CAPN3: variants seen among roughly 807,000 people sequenced by gnomAD.
CAPN3 encodes the protein calpain-3.
In CAPN3, 88 loss-of-function variants were observed where a neutral mutation model predicts 114.0. That is an observed-to-expected ratio of 0.77 (90% CI 0.65 to 0.92). The LOEUF (loss-of-function observed/expected upper bound fraction) is 0.92, where lower values mean the gene tolerates loss of function less well. Ranked by LOEUF, CAPN3 falls within the 40% of genes least tolerant of loss-of-function variation. The probability of loss-of-function intolerance (pLI) is 0.00; values close to 1 mark genes in which losing one functional copy is unlikely to be tolerated. For missense variants in CAPN3, 1,028 were observed against 1,069.0 expected (o/e 0.96, Z 0.53); for synonymous variants, 386 against 382.9 (o/e 1.01, Z -0.09).
At chr15:42,373,255 C>T (rs183117371) in intron 1 of CAPN3, among the ~76,000 whole-genome samples, 1 of 152,268 alleles carries the variant, frequency 6.6e-6, no homozygotes, top group East Asian at 1.9e-4. Flanking sequence ...TAAGACTCTC[C>T]TGGTGAGCCT....
intron 1 of CAPN3, among the ~76,000 whole-genome samples, chr15:42,378,859 C>T (rs570946720): frequency 6.6e-6 from 1 of 152,150 alleles, no homozygotes; most frequent in East Asian, 1.9e-4. Flanking sequence ...TAGTTAAAAA[C>T]ATTTTGTAAG....
At chr15:42,369,404 A>G (rs2052874059) in intron 1 of CAPN3, among the ~76,000 whole-genome samples, 1 of 152,028 alleles carries the variant, frequency 6.6e-6, no homozygotes, top group Non-Finnish European at 1.5e-5. Context: ...TGGGAGGCTG[A>G]GGTGGGAGGA....
chr15:42,360,012 A>G lies in CAPN3; in HGVS notation c.207A>G (p.Leu69=). The change falls in exon 1 of 24, where the codon CTA becomes CTG. Residue 69 remains leucine, a synonymous_variant. Transcript: ENST00000397163. ...TCGAGCAACTTCACAAGAAATGTCT[A>G]GAAAAGAAAGTTCTTTATGTGGACC... ...KTFEQLHKKC[L]EKKVLYVDPE... 2 of 1,614,256 alleles carry G rather than the reference A, an allele frequency of 1.2e-6. No individual in the cohort carries two copies. Among genetic ancestry groups the G allele is most frequent in the Non-Finnish European group, 1.7e-6 (2 of 1,180,038 alleles).
chr15:42,395,878 C>T (rs1262069704), intron 8 of CAPN3, among the ~76,000 whole-genome samples: 1 of 152,220 alleles, frequency 6.6e-6, no homozygotes, highest in Non-Finnish European at 1.5e-5. Context: ...GTTGAATTCT[C>T]CTCTGTGAGC....
chr15:42,364,917 G>T (rs2052740249), intron 1 of CAPN3, among the ~76,000 whole-genome samples: 1 of 152,324 alleles, frequency 6.6e-6, no homozygotes. Context: ...GGAGGGATGA[G>T]AAGTGAAGGG....
chr15:42,385,794 C>G (rs201879162), intron 2 of CAPN3: 54 of 532,582 alleles, frequency 1.0e-4, no homozygotes, highest in Middle Eastern at 3.1e-4. Flanking sequence ...ACTCACATTG[C>G]AAAGGCACAG....
chr15:42,402,116 T>C lies in CAPN3; in HGVS notation c.1525-8T>C. 1 of 1,614,130 alleles carries C rather than the reference T, an allele frequency of 6.2e-7. No individual in the cohort carries two copies. The highest frequency in any genetic ancestry group is 8.5e-7 in the Non-Finnish European group (1 of 1,180,026). On this transcript the variant is annotated splice_region_variant and splice_polypyrimidine_tract_variant and intron_variant, in intron 11 of 23. Transcript: ENST00000397163. ...TCTGAAGCATCTTCCTTTCTGTTTC[T>C]TCTCAAGGTTCCCAAAGAGGTATAG...
At position 42,402,990 on chromosome 15, in the gene CAPN3, G is replaced by A. The variant is rs767580064; in HGVS notation, c.1733G>A (p.Arg578Lys). 1.2e-6 allele frequency: 2 copies of A among 1,614,082 alleles called. No individual in the cohort carries two copies. The highest frequency in any genetic ancestry group is 1.3e-5 in the African/African-American group (1 of 75,046). ...EFILRVFSEK[R>K]NLSEEVENTI... ...ATCCTCCGGGTCTTCTCTGAAAAGA[G>A]GAACCTCTCTGAGTGAGTGCTGGCC... The change falls in exon 13 of 24, where the codon AGG (arginine) becomes AAG (lysine). Residue 578 changes from arginine (R) to lysine (K), a missense_variant. Physicochemically the swap from Arg to Lys is conservative, Grantham distance 26. Coordinates refer to ENST00000397163, the MANE Select transcript of CAPN3 (RefSeq NM_000070.3).
In CAPN3 at chr15:42,411,823, T is replaced by C; in HGVS notation, c.*50T>C. The C allele has an allele frequency of 6.2e-7, 1 of 1,613,590 alleles. No individual in the cohort carries two copies. The highest frequency in any genetic ancestry group is 8.5e-7 in the Non-Finnish European group (1 of 1,179,794). On this transcript the variant is annotated 3_prime_UTR_variant, in exon 24 of 24. Transcript: ENST00000397163. ...ATGCAGGATCACTCAGGATTTCAGTTTCACCCTCTATTTCCAAAGCCATTT... is the reference window on the plus strand; with the variant it reads ...ATGCAGGATCACTCAGGATTTCAGTCTCACCCTCTATTTCCAAAGCCATTT...
At chr15:42,407,416 C>T (rs972356723) in intron 15 of CAPN3, among the ~76,000 whole-genome samples, 1 of 152,012 alleles carries the variant, frequency 6.6e-6, no homozygotes, top group Non-Finnish European at 1.5e-5. Flanking sequence ...GCAAGCTCCA[C>T]CTCCCATGTT....
chr15:42,391,480 C>G (rs2053555048), intron 6 of CAPN3, among the ~76,000 whole-genome samples: 1 of 152,150 alleles, frequency 6.6e-6, no homozygotes. Context: ...GGACTGAGAT[C>G]TGGAAGAGAC....
At chr15:42,362,944 G>A (rs1160733637) in intron 1 of CAPN3, among the ~76,000 whole-genome samples, 1 of 152,078 alleles carries the variant, frequency 6.6e-6, no homozygotes, top group Non-Finnish European at 1.5e-5. Context: ...TACTGTCTAA[G>A]GCACAGAACC....
chr15:42,367,013 T>C (rs1474741730), intron 1 of CAPN3, among the ~76,000 whole-genome samples: 2 of 151,792 alleles, frequency 1.3e-5, no homozygotes, highest in Non-Finnish European at 2.9e-5. Flanking sequence ...TTTGTATTTT[T>C]AGTAGAGATG....
At chr15:42,393,517 A>G (rs1415485598) in intron 7 of CAPN3, among the ~76,000 whole-genome samples, 1 of 151,700 alleles carries the variant, frequency 6.6e-6, no homozygotes, top group Non-Finnish European at 1.5e-5. Flanking sequence ...TGCCTGCATC[A>G]CCCATTGCAG....
chr15:42,398,648 CATAT>C (rs1302149138), intron 9 of CAPN3, among the ~76,000 whole-genome samples: 9 of 147,888 alleles, frequency 6.1e-5, no homozygotes, highest in Admixed American at 5.3e-4. Flanking sequence ...TATATACACA[CATAT>C]ATATACACAC....
chr15:42,378,003 T>C (rs1389840267), intron 1 of CAPN3, among the ~76,000 whole-genome samples: 1 of 152,178 alleles, frequency 6.6e-6, no homozygotes, highest in East Asian at 1.9e-4. Context: ...AGTTCAGTAG[T>C]GATTGCAGGA....
At chr15:42,410,338 G>A in intron 19 of CAPN3, 90 bp from the exon 20 acceptor site, 2 of 1,135,526 alleles carry the variant, frequency 1.8e-6, no homozygotes, top group Non-Finnish European at 2.7e-6. Flanking sequence ...ACAGGGCAGT[G>A]GGTAGGACAG....
chr15:42,406,134 G>A (rs180696865), intron 15 of CAPN3, among the ~76,000 whole-genome samples, 191 bp downstream of exon 15: 31 of 152,268 alleles, frequency 2.0e-4, no homozygotes, highest in African/African-American at 2.6e-4. Flanking sequence ...GGAAGGCTAC[G>A]TGCCAAGCAC....
intron 15 of CAPN3, among the ~76,000 whole-genome samples, chr15:42,407,433 A>G (rs1162940933): frequency 6.6e-6 from 1 of 151,744 alleles, no homozygotes; most frequent in Non-Finnish European, 1.5e-5. Context: ...TGTTCACACC[A>G]TTTTCCTGCC....
Sources: gnomAD v4.1 joint callset for allele counts (sites outside exome capture counted in the v4.1 genomes callset) on GRCh38, gnomAD v4.1.1 for gene constraint, MANE v1.5 for transcripts, NCBI Gene and HGNC (gene_info 2026-07-23, HGNC 2026-07-21) for gene names.